ADGRF4: variants seen among roughly 807,000 people sequenced by gnomAD.
ADGRF4 encodes the protein G-protein coupled receptor PGR18.
Under a neutral mutation model 58.5 loss-of-function variants are expected in ADGRF4, and 63 were observed. The observed-to-expected ratio is 1.08, with a 90% CI of 0.88 to 1.33. The LOEUF (loss-of-function observed/expected upper bound fraction) is 1.33. Ranked by LOEUF, ADGRF4 falls within the 40% of genes most tolerant of loss-of-function variation. ADGRF4 has a pLI of 0.00. For missense variants in ADGRF4, 931 were observed against 843.9 expected (o/e 1.10, Z -1.28); for synonymous variants, 313 against 295.4 (o/e 1.06, Z -0.61).
At chr6:47,709,849 G>GTCTT (rs138021711) in intron 3 of ADGRF4, among the ~76,000 whole-genome samples, 20 of 147,608 alleles carry the variant, frequency 1.4e-4, no homozygotes, top group African/African-American at 5.0e-4. Flanking sequence ...TAGCATCACA[G>GTCTT]TTTTTTTTTT....
chr6:47,718,094 T>C (rs1772069362), intron 8 of ADGRF4, among the ~76,000 whole-genome samples: 1 of 152,234 alleles, frequency 6.6e-6, no homozygotes, highest in Non-Finnish European at 1.5e-5. Context: ...TATTCTAAGA[T>C]AGGCATTTTC....
At chr6:47,700,871 A>G (rs1342108265) in intron 1 of ADGRF4, among the ~76,000 whole-genome samples, 1 of 152,232 alleles carries the variant, frequency 6.6e-6, no homozygotes, top group Admixed American at 6.5e-5. Flanking sequence ...ACAAATGTTT[A>G]CTGAGTGTCT....
At chr6:47,705,947 G>A (rs1771698905) in intron 1 of ADGRF4, among the ~76,000 whole-genome samples, 1 of 152,188 alleles carries the variant, frequency 6.6e-6, no homozygotes, top group African/African-American at 2.4e-5. Context: ...ATTTCTGTAT[G>A]CTGAGCATCT....
rs529405324 is a variant in ADGRF4 at position 47,718,262 on chromosome 6, G to T, written c.2035-127G>T. 1.8e-5 allele frequency: 12 copies of T among 669,260 alleles called. No homozygotes were observed. The Admixed American group carries it at 2.4e-4, about 14-fold the overall frequency. 41.5% of individuals were successfully genotyped at this position (669,260 alleles called of 1,614,324 possible). On this transcript the variant is annotated intron_variant, in intron 8 of 9. Transcript: ENST00000283303. ...CAGTGAAATATGATAATTTACTTCT[G>T]TGTAGCTATATCAGTGTGGGTACTC...
intron 1 of ADGRF4, among the ~76,000 whole-genome samples, chr6:47,703,599 G>A (rs1771638796): frequency 6.6e-6 from 1 of 152,102 alleles, no homozygotes; most frequent in Non-Finnish European, 1.5e-5. Flanking sequence ...ATCCCAAATG[G>A]TATATAGTTA....
intron 1 of ADGRF4, among the ~76,000 whole-genome samples, chr6:47,706,562 G>A (rs1771714573): frequency 6.6e-6 from 1 of 152,218 alleles, no homozygotes; most frequent in Non-Finnish European, 1.5e-5. Flanking sequence ...GGCGGGTAGT[G>A]AGTGCTACTG....
chr6:47,719,642 G>A (rs1772110442), intron 9 of ADGRF4, among the ~76,000 whole-genome samples: 1 of 152,132 alleles, frequency 6.6e-6, no homozygotes, highest in South Asian at 2.1e-4. Context: ...ACTGTCTCAG[G>A]TGGAGGGGGC....
intron 4 of ADGRF4, among the ~76,000 whole-genome samples, chr6:47,711,635 G>A (rs1771875302): frequency 6.6e-6 from 1 of 152,206 alleles, no homozygotes; most frequent in Non-Finnish European, 1.5e-5. Flanking sequence ...TAGAGGAACA[G>A]AATTGAATGC....
At chr6:47,710,405 C>T (rs1771832235) in intron 3 of ADGRF4, among the ~76,000 whole-genome samples, 1 of 152,204 alleles carries the variant, frequency 6.6e-6, no homozygotes, top group Non-Finnish European at 1.5e-5. Context: ...TCTGGTAACT[C>T]CCACATTAGC....
intron 1 of ADGRF4, among the ~76,000 whole-genome samples, chr6:47,699,422 C>T (rs1771534271): frequency 6.6e-6 from 1 of 152,208 alleles, no homozygotes; most frequent in African/African-American, 2.4e-5. Context: ...GAGCTTTCTT[C>T]ATGGACCAGA....
At chr6:47,713,121 C>T (rs1032387277) in intron 5 of ADGRF4, among the ~76,000 whole-genome samples, 1 of 152,190 alleles carries the variant, frequency 6.6e-6, no homozygotes, top group Non-Finnish European at 1.5e-5. Context: ...TTAGGAAAAT[C>T]TAATGCCTGA....
chr6:47,703,061 C>A (rs746086103), intron 1 of ADGRF4, among the ~76,000 whole-genome samples: 4 of 152,328 alleles, frequency 2.6e-5, no homozygotes, highest in African/African-American at 4.8e-5. Context: ...TTGTTCTTTT[C>A]TTTCCCTCAT....
Position 47,715,118 on chromosome 6 carries a change from C to T in ADGRF4, c.1873C>T (p.Leu625Phe), listed in dbSNP as rs767262097. The T allele has an allele frequency of 6.2e-7, 1 of 1,604,166 alleles. No homozygotes were observed. Among genetic ancestry groups the T allele is most frequent in the Non-Finnish European group, 8.5e-7 (1 of 1,171,526 alleles). The change falls in exon 6 of 10, where the codon CTC becomes TTC. Residue 625 changes from leucine (L) to phenylalanine (F), a missense_variant. Transcript: ENST00000283303. ...GLTWGFGIAT[L>F]IEGTSLTFHI... ...GACCTGGGGTTTTGGAATAGCCACT[C>T]TCATAGAAGGCACTTCCTTGACGTT... is the stretch of plus-strand genomic sequence containing the variant.
At chr6:47,708,337 C>A (rs2113898820) in intron 3 of ADGRF4, 59 bp downstream of exon 3, 4 of 1,325,616 alleles carry the variant, frequency 3.0e-6, no homozygotes, top group Non-Finnish European at 4.3e-6. Context: ...AAAGGAAGGG[C>A]ACTGATGTTG....
rs780412651 is a variant in ADGRF4 at position 47,714,566 on chromosome 6, G to C, written c.1321G>C (p.Val441Leu). ...VVTEISYMRH[V>L]CIVNIAVSLL... ...GACGGAGATATCATACATGCGTCAC[G>C]TGTGCATCGTGAATATAGCAGTGTC... Residue 441 changes from valine to leucine, a missense_variant, in exon 6 of 10, where the codon GTG (valine) becomes CTG (leucine). By Grantham distance (32) the Val-to-Leu change is conservative (BLOSUM62 1). Transcript: ENST00000283303. 15 of 1,613,996 alleles carry C rather than the reference G, an allele frequency of 9.3e-6. No individual in the cohort carries two copies. The South Asian group carries it at 1.5e-4, about 17-fold the overall frequency.
At chr6:47,719,700 G>A (rs1345682862) in intron 9 of ADGRF4, among the ~76,000 whole-genome samples, 3 of 152,158 alleles carry the variant, frequency 2.0e-5, no homozygotes, top group South Asian at 2.1e-4. Flanking sequence ...GAAGAAGTGC[G>A]TAGTGAAGGC....
chr6:47,718,499 C>T (rs11754756), intron 9 of ADGRF4, 54 bp downstream of exon 9: 1 of 1,018,652 alleles, frequency 9.8e-7, no homozygotes, highest in Non-Finnish European at 1.6e-6. Flanking sequence ...GTCAATCCAC[C>T]AATGCCCCTT....
chr6:47,714,829 C>G lies in ADGRF4; in HGVS notation c.1584C>G (p.Ile528Met). ...GFAIGYGCPL[I>M]IAVTTVAITE... ...CCATTGGCTATGGGTGCCCATTGAT[C>G]ATTGCTGTCACTACAGTTGCTATCA... Residue 528 changes from isoleucine to methionine, a missense_variant, in exon 6 of 10, where the codon ATC (isoleucine) becomes ATG (methionine). Ile to Met is a conservative substitution (Grantham distance 10). Transcript: ENST00000283303. The G allele has an allele frequency of 6.2e-7, 1 of 1,612,548 alleles. No individual in the cohort carries two copies. The highest frequency in any genetic ancestry group is 8.5e-7 in the Non-Finnish European group (1 of 1,178,626).
chr6:47,717,374 C>CCAGGGCTGAGACTAAA, intron 8 of ADGRF4, 23 bp downstream of exon 8: 1 of 1,561,410 alleles, frequency 6.4e-7, no homozygotes, highest in Non-Finnish European at 8.8e-7. Context: ...CTTTTAGTCT[C>CCAGGGCTGAGACTAAA]AGCCCTGGAG....
Sources: allele counts gnomAD v4.1 joint callset (sites outside exome capture counted in the v4.1 genomes callset), GRCh38; gene constraint gnomAD v4.1.1; transcripts MANE v1.5; gene names NCBI Gene and HGNC (gene_info 2026-07-23, HGNC 2026-07-21).